The following PROM1 variants were observed in gnomAD, a reference collection of about 807,000 sequenced individuals.
The protein encoded by PROM1 is prominin-1.
PROM1 carries 105 observed loss-of-function variants against 116.9 expected under a neutral mutation model. The ratio of observed to expected loss-of-function variants is 0.90; its 90% CI spans 0.77 to 1.06. PROM1 has a LOEUF of 1.06. Ranked by LOEUF, PROM1 falls within the 50% of genes least tolerant of loss-of-function variation. PROM1 has a pLI of 0.00. For synonymous variants in PROM1, 393 were observed against 387.0 expected (o/e 1.02, Z -0.18); for missense variants, 1,122 against 1,045.2 (o/e 1.07, Z -1.01).
intron 18 of PROM1, among the ~76,000 whole-genome samples, chr4:15,990,648 A>C (rs899179102): frequency 1.3e-5 from 2 of 152,204 alleles, no homozygotes; most frequent in African/African-American, 4.8e-5. Context: ...GGCTGCAGTC[A>C]TCTTGAGATA....
intron 5 of PROM1, among the ~76,000 whole-genome samples, chr4:16,029,955 T>C (rs1029908283): frequency 6.6e-6 from 1 of 152,216 alleles, no homozygotes; most frequent in Non-Finnish European, 1.5e-5. Context: ...CTTTCTGCCT[T>C]CCAATTTTGT....
At chr4:16,046,360 C>T (rs865857586) in intron 2 of PROM1, among the ~76,000 whole-genome samples, 2 of 152,186 alleles carry the variant, frequency 1.3e-5, no homozygotes, top group Non-Finnish European at 2.9e-5. Flanking sequence ...GGGCTAGGCC[C>T]GCTGGGTTTT....
At chr4:16,080,190 C>G (rs1744771636) in intron 1 of PROM1, among the ~76,000 whole-genome samples, 1 of 141,236 alleles carries the variant, frequency 7.1e-6, no homozygotes, top group South Asian at 2.3e-4. Flanking sequence ...TGATTTTGAG[C>G]CTGGAGTCCA....
chr4:15,977,377 A>G (rs189453765), intron 26 of PROM1, among the ~76,000 whole-genome samples: 1 of 152,130 alleles, frequency 6.6e-6, no homozygotes, highest in Non-Finnish European at 1.5e-5. Context: ...CTGATCTTGA[A>G]AATTTCAGTC....
At chr4:15,992,223 T>A (rs760691420) in intron 17 of PROM1, 25 bp downstream of exon 17, 4 of 1,606,942 alleles carry the variant, frequency 2.5e-6, no homozygotes, top group Non-Finnish European at 3.4e-6. Context: ...TCCTAAAGGA[T>A]CAAGCATGAA....
intron 2 of PROM1, among the ~76,000 whole-genome samples, chr4:16,053,817 G>A (rs568707470): frequency 1.3e-4 from 20 of 152,294 alleles, no homozygotes; most frequent in Admixed American, 4.6e-4. Context: ...TTATAAGGCC[G>A]GGCACAGTGG....
chr4:15,998,509 T>C, intron 14 of PROM1, 21 bp from the exon 15 acceptor site: 4 of 1,557,474 alleles, frequency 2.6e-6, no homozygotes, highest in Non-Finnish European at 3.5e-6. Flanking sequence ...TTAGGAAGTA[T>C]TTTCGAAAAA....
intron 15 of PROM1, among the ~76,000 whole-genome samples, chr4:15,997,860 A>C (rs2149165715): frequency 6.6e-6 from 1 of 152,294 alleles, no homozygotes; most frequent in South Asian, 2.1e-4. Context: ...ACCCTAAAAC[A>C]ACCCCAGGGT....
intron 2 of PROM1, among the ~76,000 whole-genome samples, chr4:16,054,358 T>A (rs920669991): frequency 6.6e-6 from 1 of 152,192 alleles, no homozygotes; most frequent in Non-Finnish European, 1.5e-5. Flanking sequence ...CAAATCAAAG[T>A]GAAATCAGGC....
chr4:16,047,962 A>C (rs555445950), intron 2 of PROM1, among the ~76,000 whole-genome samples: 167 of 152,294 alleles, frequency 1.1e-3, no homozygotes, highest in African/African-American at 3.7e-3. Context: ...TTTGGTGTGC[A>C]CTCAATTCAA....
chr4:15,983,096 T>C (rs1418616568), intron 23 of PROM1, among the ~76,000 whole-genome samples: 2 of 152,092 alleles, frequency 1.3e-5, no homozygotes, highest in Non-Finnish European at 2.9e-5. Flanking sequence ...CAGGTCTTAA[T>C]CAAAGAAACA....
chr4:15,980,426 C>G lies in PROM1; in HGVS notation c.2485G>C (p.Asp829His). The G allele has an allele frequency of 6.5e-7, 1 of 1,541,778 alleles. No homozygotes were observed. The highest frequency in any genetic ancestry group is 8.8e-7 in the Non-Finnish European group (1 of 1,138,458). The change falls in exon 24 of 28, where the codon GAT becomes CAT. Residue 829 changes from aspartate (D) to histidine (H), a missense_variant. By Grantham distance (81) the Asp-to-His change is moderately conservative. Transcript: ENST00000447510. The stretch of plus-strand genomic sequence containing the variant: ...TGTGGAAGCCCACATACTTACTCAT[C>G]GTACACGTCCTCCGAATCCATTCGA... ...YRRMDSEDVY[D>H]DVETIPMKNM...
At chr4:15,980,203 G>C (rs1321561018) in intron 24 of PROM1, 2 of 626,970 alleles carry the variant, frequency 3.2e-6, no homozygotes, top group Non-Finnish European at 5.6e-6. Flanking sequence ...TAGGGAAGCT[G>C]AGAGGATTAA....
intron 2 of PROM1, among the ~76,000 whole-genome samples, chr4:16,047,620 C>A (rs1052524035): frequency 6.6e-6 from 1 of 151,278 alleles, no homozygotes; most frequent in African/African-American, 2.4e-5. Context: ...TTAACAACAT[C>A]TATAAAATAC....
At chr4:16,006,486 G>T in intron 13 of PROM1, 52 bp downstream of exon 13, 1 of 1,518,624 alleles carries the variant, frequency 6.6e-7, no homozygotes, top group Non-Finnish European at 8.9e-7. Context: ...TCAGCACCCA[G>T]TCTCTCTCCT....
At position 16,054,389 on chromosome 4, in the gene PROM1, A is replaced by G. The variant is rs980860306; in HGVS notation, c.221-15388T>C. ...CAGGCTTTGGAGTCAGAGTGACCAA[A>G]CACATATCTTGATTTGTCCAGACAG... On this transcript the variant is annotated intron_variant, in intron 2 of 27. Coordinates refer to ENST00000447510, the MANE Select transcript of PROM1 (RefSeq NM_006017.3). Among the ~76,000 whole-genome samples the G allele has an allele frequency of 2.0e-5, 3 of 152,270 alleles. No homozygotes were observed. In the East Asian group the frequency reaches 5.8e-4, roughly 29 times the overall value.
At chr4:15,992,199 G>A (rs1721228815) in intron 17 of PROM1, 49 bp downstream of exon 17, 1 of 1,596,236 alleles carries the variant, frequency 6.3e-7, no homozygotes, top group Non-Finnish European at 8.5e-7. Flanking sequence ...ATACACATCT[G>A]ACACTTTAAT....
intron 12 of PROM1, among the ~76,000 whole-genome samples, chr4:16,008,656 G>T (rs1013926790): frequency 2.0e-5 from 3 of 152,184 alleles, no homozygotes; most frequent in African/African-American, 7.2e-5. Flanking sequence ...GCTCACGAAG[G>T]TCCAGTCTTC....
At chr4:15,993,642 G>A (rs985552734) in intron 16 of PROM1, among the ~76,000 whole-genome samples, 1 of 152,204 alleles carries the variant, frequency 6.6e-6, no homozygotes. Context: ...TGGAGTGAGA[G>A]CCTTCCTGAG....
Sources: allele counts gnomAD v4.1 joint callset (sites outside exome capture counted in the v4.1 genomes callset), GRCh38; gene constraint gnomAD v4.1.1; transcripts MANE v1.5; gene names NCBI Gene and HGNC (gene_info 2026-07-23, HGNC 2026-07-21).